The following ASTN2 variants were observed in gnomAD, a reference collection of about 807,000 sequenced individuals.
ASTN2 encodes astrotactin-2.
A neutral mutation model predicts 139.8 loss-of-function variants in ASTN2; 54 were observed. The observed-to-expected ratio is 0.39, with a 90% CI of 0.31 to 0.48. The LOEUF (loss-of-function observed/expected upper bound fraction) is 0.48, where lower values mean the gene tolerates loss of function less well. ASTN2 is among the 20% of genes least tolerant of loss of function. The pLI, the probability that ASTN2 is intolerant of heterozygous loss-of-function variation, is 0.95. For missense variants in ASTN2, 1,565 were observed against 1,725.1 expected, an observed-to-expected ratio of 0.91 and a Z score of 1.64; for synonymous variants, 756 against 719.5, an observed-to-expected ratio of 1.05 and a Z score of -0.81.
chr9:116,531,350 C>A (rs1851335454), intron 19 of ASTN2, among the ~76,000 whole-genome samples: 1 of 152,168 alleles, frequency 6.6e-6, no homozygotes, highest in Non-Finnish European at 1.5e-5. Flanking sequence ...ATACAGAGGC[C>A]CTCTGCTTAC....
At chr9:116,799,953 C>A (rs987209076) in intron 13 of ASTN2, among the ~76,000 whole-genome samples, 3 of 152,212 alleles carry the variant, frequency 2.0e-5, no homozygotes, top group South Asian at 2.1e-4. Flanking sequence ...TGGCTCTTCA[C>A]ATTTCCACAG....
intron 3 of ASTN2, among the ~76,000 whole-genome samples, chr9:117,169,208 GA>G (rs5900272): frequency 0.83 from 124,965 of 150,228 alleles, 51,990 homozygotes; most frequent in Admixed American, 0.89. Flanking sequence ...AGAAGAAAAA[GA>G]AAAAAAAAAA....
rs566931338 is a variant in ASTN2, at chr9:116,840,168, T to C, written c.2041-19385A>G. 1.5e-4 allele frequency among the ~76,000 whole-genome samples: 22 copies of C among 148,176 alleles called. 1 individual carries two copies. The South Asian group carries it at 3.0e-3, about 20-fold the overall frequency. On this transcript the variant is annotated intron_variant, in intron 11 of 22. Coordinates refer to ENST00000313400, the MANE Select transcript of ASTN2 (RefSeq NM_001365068.1). ...TTCAACCCTGAGTGGATACAGCACATGTTTCAGAGAGCACAGGGTTGGGGG... is the reference window on the plus strand; with the variant it reads ...TTCAACCCTGAGTGGATACAGCACACGTTTCAGAGAGCACAGGGTTGGGGG...
chr9:116,525,947 T>C (rs1851071504), intron 19 of ASTN2, among the ~76,000 whole-genome samples: 1 of 152,170 alleles, frequency 6.6e-6, no homozygotes, highest in South Asian at 2.1e-4. Context: ...TGCTTTTTCC[T>C]ATGCTATTCC....
intron 19 of ASTN2, among the ~76,000 whole-genome samples, chr9:116,557,815 T>C (rs1223487974): frequency 6.6e-6 from 1 of 152,232 alleles, no homozygotes; most frequent in African/African-American, 2.4e-5. Context: ...GGCAGAGTGA[T>C]AGTACAAACA....
chr9:116,451,311 T>C (rs908497609), intron 20 of ASTN2, among the ~76,000 whole-genome samples: 1 of 152,218 alleles, frequency 6.6e-6, no homozygotes, highest in Non-Finnish European at 1.5e-5. Flanking sequence ...TATAAATTCA[T>C]TTACAATTAA....
At chr9:116,764,458 G>C (rs964569358) in intron 13 of ASTN2, among the ~76,000 whole-genome samples, 8 of 152,074 alleles carry the variant, frequency 5.3e-5, no homozygotes, top group Admixed American at 2.6e-4. Context: ...CTTCTGCCCT[G>C]TCCCTTCCAA....
chr9:117,144,638 C>T (rs968318162), intron 3 of ASTN2, among the ~76,000 whole-genome samples: 3 of 135,630 alleles, frequency 2.2e-5, no homozygotes, highest in African/African-American at 8.7e-5. Context: ...TAAGAGATGA[C>T]ATTTGAGAGG....
At position 117,005,080 on chromosome 9, in the gene ASTN2, A is replaced by ATTTTTTTTTT. The variant is rs35759848; in HGVS notation, c.1591+3002_1591+3011dup. Among the ~76,000 whole-genome samples, 10 of 74,674 alleles carry ATTTTTTTTTT rather than the reference A, an allele frequency of 1.3e-4. 1 individual carries two copies. The highest frequency in any genetic ancestry group is 2.2e-4 in the African/African-American group (4 of 17,906). 49.0% of individuals were successfully genotyped at this position (74,674 alleles called of 152,430 possible). ...AATTTGAGTTGTGGACCTGTAGTCG[A>ATTTTTTTTTT]TTTTTTTTTTTTTTTTTTTTTTTTG... On this transcript the variant is annotated intron_variant, in intron 7 of 22. Transcript: ENST00000313400.
At chr9:116,518,121 A>G (rs1030942311) in intron 19 of ASTN2, among the ~76,000 whole-genome samples, 1 of 152,166 alleles carries the variant, frequency 6.6e-6, no homozygotes, top group African/African-American at 2.4e-5. Flanking sequence ...CAGCCTTGCT[A>G]GAGGTCTACA....
chr9:117,201,117 C>T (rs1831702675), intron 3 of ASTN2, among the ~76,000 whole-genome samples: 1 of 148,722 alleles, frequency 6.7e-6, no homozygotes, highest in Admixed American at 6.9e-5. Context: ...GTGTATGCAT[C>T]CAGGAATTTA....
rs1035963811 is a variant in ASTN2 at position 117,292,895 on chromosome 9, C to T, written c.443-1382G>A. 6.6e-5 allele frequency among the ~76,000 whole-genome samples: 10 copies of T among 152,134 alleles called. 1 individual carries two copies. The highest frequency in any genetic ancestry group is 1.9e-4 in the African/African-American group (8 of 41,434). ...TTACTCATCACCCAATTCCACTGAACTATTCTTATATCATCAATGCCCAAT... is the reference window on the plus strand; with the variant it reads ...TTACTCATCACCCAATTCCACTGAATTATTCTTATATCATCAATGCCCAAT... On this transcript the variant is annotated intron_variant, in intron 1 of 22. Transcript: ENST00000313400.
chr9:116,561,949 G>T (rs143918749), intron 19 of ASTN2: 1 of 152,214 alleles, frequency 6.6e-6, no homozygotes, highest in Non-Finnish European at 1.5e-5. Flanking sequence ...CCAGGAAAAT[G>T]TTAAAATGTT....
Position 116,952,564 on chromosome 9 carries a change from C to G in ASTN2, c.1889+22644G>C, listed in dbSNP as rs543182256. On this transcript the variant is annotated intron_variant, in intron 10 of 22. Coordinates refer to ENST00000313400, the MANE Select transcript of ASTN2 (RefSeq NM_001365068.1). ...GTGATGAGAGGCACAGGCTGTGAGG[C>G]CTCAGGCTTTTATCTCTGGCAATGA... Among the ~76,000 whole-genome samples, 35 of 152,278 alleles carry G rather than the reference C, an allele frequency of 2.3e-4. No homozygotes were observed. The South Asian group carries it at 2.9e-3, about 13-fold the overall frequency.
chr9:116,980,743 T>A (rs1469646196), intron 7 of ASTN2, among the ~76,000 whole-genome samples: 1 of 152,228 alleles, frequency 6.6e-6, no homozygotes, highest in East Asian at 1.9e-4. Context: ...ATTGGCTTTA[T>A]TGACTCCTGT....
Position 116,922,707 on chromosome 9 carries a change from G to A in ASTN2, c.1889+52501C>T, listed in dbSNP as rs536614083. On this transcript the variant is annotated intron_variant, in intron 10 of 22. Transcript: ENST00000313400. The stretch of plus-strand genomic sequence containing the variant: ...GATATGGAGACATCTTTAAAACTTC[G>A]TATTAGTAGAAAAAGCAAGTTTCAC... Among the ~76,000 whole-genome samples, 40 of 152,254 alleles carry A rather than the reference G, an allele frequency of 2.6e-4. 1 individual carries two copies. Among genetic ancestry groups the A allele is most frequent in the African/African-American group, 6.3e-4 (26 of 41,554 alleles).
chr9:116,489,946 A>C (rs574150120), intron 19 of ASTN2, among the ~76,000 whole-genome samples: 8 of 152,314 alleles, frequency 5.3e-5, no homozygotes, highest in Middle Eastern at 3.4e-3. Context: ...CCTGAGACTG[A>C]GTACTAATTC....
At chr9:117,088,369 T>A (rs560300679) in intron 5 of ASTN2, among the ~76,000 whole-genome samples, 2 of 152,306 alleles carry the variant, frequency 1.3e-5, no homozygotes, top group East Asian at 3.9e-4. Flanking sequence ...TCATCCCATT[T>A]TCATTTCCTG....
At chr9:117,330,688 A>G (rs1828678713) in intron 1 of ASTN2, among the ~76,000 whole-genome samples, 1 of 152,196 alleles carries the variant, frequency 6.6e-6, no homozygotes. Flanking sequence ...TTTCCTCCCC[A>G]GCTGCAAATG....
Sources: gnomAD v4.1 joint callset for allele counts (sites outside exome capture counted in the v4.1 genomes callset) on GRCh38, gnomAD v4.1.1 for gene constraint, MANE v1.5 for transcripts, NCBI Gene and HGNC (gene_info 2026-07-23, HGNC 2026-07-21) for gene names.